RAP1GAP2: variants seen among roughly 807,000 people sequenced by gnomAD.
RAP1GAP2 encodes the protein RAP1 GTPase activating protein 2.
A neutral mutation model predicts 95.0 loss-of-function variants in RAP1GAP2; 27 were observed. That is an observed-to-expected ratio of 0.28 (90% CI 0.21 to 0.39). RAP1GAP2 has a LOEUF of 0.39. RAP1GAP2 is among the 10% of genes least tolerant of loss of function. The probability of loss-of-function intolerance (pLI) is 1.00; values close to 1 mark genes in which losing one functional copy is unlikely to be tolerated. For missense variants in RAP1GAP2, 771 were observed against 970.0 expected (o/e 0.79, Z 2.72); for synonymous variants, 373 against 380.9 (o/e 0.98, Z 0.24).
chr17:2,921,602 G>C (rs2042773513), intron 3 of RAP1GAP2, among the ~76,000 whole-genome samples: 1 of 151,252 alleles, frequency 6.6e-6, no homozygotes, highest in Admixed American at 6.6e-5. Flanking sequence ...TGTCTGCAGG[G>C]TCGTTAAGGT....
intron 3 of RAP1GAP2, among the ~76,000 whole-genome samples, chr17:2,946,538 G>GAA (rs2043702270): frequency 6.6e-6 from 1 of 152,114 alleles, no homozygotes; most frequent in Non-Finnish European, 1.5e-5. Flanking sequence ...ATATGAGTCT[G>GAA]CCTAATTTAA....
intron 2 of RAP1GAP2, among the ~76,000 whole-genome samples, chr17:2,843,325 G>A (rs574314511): frequency 1.9e-4 from 29 of 149,976 alleles, no homozygotes; most frequent in African/African-American, 5.6e-4. Flanking sequence ...TCGCTCTGTC[G>A]CCCAGGCTGG....
intron 3 of RAP1GAP2, among the ~76,000 whole-genome samples, chr17:2,956,026 T>C (rs1365619554): frequency 6.6e-6 from 1 of 152,210 alleles, no homozygotes; most frequent in African/African-American, 2.4e-5. Context: ...GTATTTAACA[T>C]GTTGATTGCT....
At chr17:2,908,999 C>T (rs972282876) in intron 3 of RAP1GAP2, among the ~76,000 whole-genome samples, 2 of 152,162 alleles carry the variant, frequency 1.3e-5, no homozygotes, top group Admixed American at 6.5e-5. Context: ...AGCCACTGCG[C>T]CTTGTCGAGG....
chr17:2,891,733 TGA>T (rs1205036670), intron 2 of RAP1GAP2, among the ~76,000 whole-genome samples: 1 of 151,460 alleles, frequency 6.6e-6, no homozygotes, highest in Non-Finnish European at 1.5e-5. Context: ...TTGAGAATTT[TGA>T]GAGTTATAAC....
Position 2,980,275 on chromosome 17 carries a change from C to T in RAP1GAP2, c.597-12C>T, listed in dbSNP as rs775728317. The T allele has an allele frequency of 1.4e-5, 22 of 1,613,128 alleles. No homozygotes were observed. Among genetic ancestry groups the T allele is most frequent in the South Asian group, 2.2e-5 (2 of 91,068 alleles). On this transcript the variant is annotated splice_polypyrimidine_tract_variant and intron_variant, in intron 8 of 24. Coordinates refer to ENST00000254695, the MANE Select transcript of RAP1GAP2 (RefSeq NM_015085.5). ...TTCTTAGGGATGTCCTTTTTTCTCC[C>T]GTCTTGTGCAGGTCCAAACTGAAGA...
chr17:2,781,308 C>T (rs1459563174), intron 1 of RAP1GAP2, among the ~76,000 whole-genome samples: 4 of 152,212 alleles, frequency 2.6e-5, no homozygotes, highest in Non-Finnish European at 5.9e-5. Context: ...CAGGGCCCTG[C>T]CGATTAGATG....
intron 2 of RAP1GAP2, among the ~76,000 whole-genome samples, chr17:2,817,423 A>G (rs1017697601): frequency 1.6e-5 from 2 of 122,492 alleles, no homozygotes; most frequent in South Asian, 2.5e-4. Flanking sequence ...GAATAATGCC[A>G]CAGTGAACGT....
intron 1 of RAP1GAP2, among the ~76,000 whole-genome samples, chr17:2,769,382 C>A (rs747214867): frequency 6.6e-6 from 1 of 150,792 alleles, no homozygotes; most frequent in African/African-American, 2.4e-5. Flanking sequence ...GGTGAAACCC[C>A]GTCTGTACTA....
intron 3 of RAP1GAP2, among the ~76,000 whole-genome samples, chr17:2,944,161 C>CAAAAAAAAAAAAAAAAAAAAAAAAAAACA (rs36063732): frequency 1.2e-5 from 1 of 81,804 alleles, no homozygotes; most frequent in African/African-American, 4.3e-5. Context: ...ACAGCAAAAC[C>CAAAAAAAAAAAAAAAAAAAAAAAAAAACA]AAAAAAAAAA....
intron 2 of RAP1GAP2, among the ~76,000 whole-genome samples, chr17:2,863,601 A>G (rs1230850550): frequency 1.3e-5 from 2 of 152,078 alleles, no homozygotes; most frequent in Non-Finnish European, 2.9e-5. Context: ...AAAGATCTTT[A>G]TCAGTCACAC....
At chr17:2,898,400 C>T (rs2041911172) in intron 2 of RAP1GAP2, among the ~76,000 whole-genome samples, 1 of 152,194 alleles carries the variant, frequency 6.6e-6, no homozygotes, top group African/African-American at 2.4e-5. Flanking sequence ...GTTCCTGAAT[C>T]CAGTGTCCTC....
At position 2,827,373 on chromosome 17, in the gene RAP1GAP2, G is replaced by A. The variant is rs1313226901; in HGVS notation, c.80+26823G>A. Among the ~76,000 whole-genome samples, 1 of 151,600 alleles carries A rather than the reference G, an allele frequency of 6.6e-6. No individual in the cohort carries two copies. The highest frequency in any genetic ancestry group is 6.6e-5 in the Admixed American group (1 of 15,196). On this transcript the variant is annotated intron_variant, in intron 2 of 24. Transcript: ENST00000254695. This position sits in a 1 kb window ranked among gnomAD's most constrained non-coding sequence, Gnocchi z 4.1. ...ACTTTCTAGTCAGGGAGGCAGATGA[G>A]AACAGAATGAAGAACGCAGATGGTT... is the stretch of plus-strand genomic sequence containing the variant.
chr17:2,962,445 C>T lies in RAP1GAP2; in HGVS notation c.202-225C>T, dbSNP rs1301641966. 1.6e-5 allele frequency: 8 copies of T among 511,250 alleles called. 1 individual carries two copies. Among genetic ancestry groups the T allele is most frequent in the South Asian group, 8.1e-5 (3 of 37,022 alleles). The allele number at this position is 511,250 out of a possible 1,614,324, so 31.7% of individuals were successfully genotyped here. A position where few individuals can be genotyped will look rare whatever the true frequency, so the allele number is the denominator to read the frequency against. On this transcript the variant is annotated intron_variant, in intron 4 of 24. Coordinates refer to ENST00000254695, the MANE Select transcript of RAP1GAP2 (RefSeq NM_015085.5). ...GGTGGCAGTGTTGGGATTTGAACCC[C>T]GGCGATCTGGCTCAAGTCTATGCTG... is the stretch of plus-strand genomic sequence containing the variant.
At chr17:3,017,964 C>T (rs370424390) in intron 17 of RAP1GAP2, 97 bp from the exon 18 acceptor site, 14 of 1,185,292 alleles carry the variant, frequency 1.2e-5, no homozygotes, top group Middle Eastern at 2.2e-4. Flanking sequence ...TGCACGCATA[C>T]GTGTGCTGAG....
In RAP1GAP2 at chr17:3,034,374, C is replaced by T. The variant is rs2047411466; in HGVS notation, c.*1013C>T. On this transcript the variant is annotated 3_prime_UTR_variant, in exon 25 of 25. Coordinates refer to ENST00000254695, the MANE Select transcript of RAP1GAP2 (RefSeq NM_015085.5). The surrounding 1 kb of genome is among the most constrained non-coding windows in gnomAD (Gnocchi z 5.1). ...GGGTTCAAGGAAGACGTCGTTATCT[C>T]CCCTCCCCACTTACTCGAGGAGAGA... 1 of 246,162 alleles carries T rather than the reference C, an allele frequency of 4.1e-6. No individual in the cohort carries two copies. Among genetic ancestry groups the T allele is most frequent in the Non-Finnish European group, 8.3e-6 (1 of 120,822 alleles). 15.2% of individuals were successfully genotyped at this position (246,162 alleles called of 1,614,324 possible).
At chr17:2,873,116 C>T (rs1230933416) in intron 2 of RAP1GAP2, among the ~76,000 whole-genome samples, 1 of 141,054 alleles carries the variant, frequency 7.1e-6, no homozygotes, top group East Asian at 2.1e-4. Flanking sequence ...AAAAAAAAAA[C>T]GGAAAATAGT....
intron 3 of RAP1GAP2, among the ~76,000 whole-genome samples, chr17:2,910,287 C>T (rs1332017116): frequency 6.6e-6 from 1 of 152,176 alleles, no homozygotes; most frequent in Non-Finnish European, 1.5e-5. Flanking sequence ...TGCTCCTGAC[C>T]CTCCACTCCT....
Position 2,963,294 on chromosome 17 carries a change from T to A in RAP1GAP2, c.247-136T>A. 1 of 979,976 alleles carries A rather than the reference T, an allele frequency of 1.0e-6. No homozygotes were observed. The highest frequency in any genetic ancestry group is 1.6e-6 in the Non-Finnish European group (1 of 613,918). 60.7% of individuals were successfully genotyped at this position (979,976 alleles called of 1,614,324 possible). On this transcript the variant is annotated intron_variant, in intron 5 of 24. Coordinates refer to ENST00000254695, the MANE Select transcript of RAP1GAP2 (RefSeq NM_015085.5). This position sits in a 1 kb window ranked among gnomAD's most constrained non-coding sequence, Gnocchi z 4.8. ...GGATGTTAGATTCCAGAGCTGATTC[T>A]GAGCTGTTCTTCCATCGAATGTTCC... is the stretch of plus-strand genomic sequence containing the variant.
Sources: allele counts gnomAD v4.1 joint callset (sites outside exome capture counted in the v4.1 genomes callset), GRCh38; gene constraint gnomAD v4.1.1; non-coding constraint Gnocchi (gnomAD v3.1); transcripts MANE v1.5; gene names NCBI Gene and HGNC (gene_info 2026-07-23, HGNC 2026-07-21).